Variants in PCDHGC5 observed in about 807,000 individuals in gnomAD.
PCDHGC5 encodes the protein protocadherin gamma subfamily C, 5.
A neutral mutation model predicts 59.0 loss-of-function variants in PCDHGC5; 25 were observed. That is an observed-to-expected ratio of 0.42 (90% CI 0.31 to 0.59). The LOEUF is 0.59. Among genes scored for constraint, PCDHGC5 ranks in the 20% least tolerant of loss-of-function variants. PCDHGC5 has a pLI of 0.13. For synonymous variants in PCDHGC5, 434 were observed against 505.5 expected (o/e 0.86, Z 1.90); for missense variants, 1,067 against 1,206.4 (o/e 0.88, Z 1.71).
At chr5:141,502,767 C>T (rs970206343) in intron 2 of PCDHGC5, among the ~76,000 whole-genome samples, 1 of 151,756 alleles carries the variant, frequency 6.6e-6, no homozygotes, top group East Asian at 1.9e-4. Flanking sequence ...TGCTGGTATT[C>T]TTCTGAAAAT....
intron 3 of PCDHGC5, 48 bp downstream of exon 3, chr5:141,505,529 T>C (rs1479433990): frequency 1.9e-6 from 3 of 1,612,066 alleles, no homozygotes; most frequent in Non-Finnish European, 2.5e-6. Context: ...CCTGGGGTTC[T>C]GGGGTGCATC....
In PCDHGC5 at chr5:141,489,335, G is replaced by A. The variant is rs138015049; in HGVS notation, c.95G>A (p.Arg32His). The A allele has an allele frequency of 8.2e-5, 132 of 1,607,244 alleles. No individual in the cohort carries two copies. The African/African-American group carries it at 1.5e-3, about 18-fold the overall frequency. Residue 32 changes from arginine to histidine, a missense_variant, in exon 1 of 4, where the codon CGT (arginine) becomes CAT (histidine). Transcript: ENST00000252087. This position sits in a 1 kb window ranked among gnomAD's most constrained non-coding sequence, Gnocchi z 4.5. ...TGGGGCTGGGTGTCTGGGCAGCTTC[G>A]TTACTCAGTGGTGGAGGAGTCTGAG... ...CCWGWVSGQL[R>H]YSVVEESEPG...
At chr5:141,503,981 C>T (rs774655880) in intron 2 of PCDHGC5, among the ~76,000 whole-genome samples, 4 of 152,300 alleles carry the variant, frequency 2.6e-5, no homozygotes, top group East Asian at 1.9e-4. Flanking sequence ...CCAAACCCTT[C>T]TTCTTACCTT....
chr5:141,501,335 C>CA (rs2099808433), intron 2 of PCDHGC5, among the ~76,000 whole-genome samples: 1 of 135,634 alleles, frequency 7.4e-6, no homozygotes, highest in Non-Finnish European at 1.6e-5. Context: ...ACACACACAC[C>CA]CCAAACTCAA....
rs200900873 is a variant in PCDHGC5 at position 141,510,902 on chromosome 5, G to A, written c.2609-45G>A. On this transcript the variant is annotated intron_variant, in intron 3 of 3. Transcript: ENST00000252087. ...GGGGATATAAGACAGTGACTGTTGAGGACCCTAAGTTTAGCTCCCACCTGA... is the reference window on the plus strand; with the variant it reads ...GGGGATATAAGACAGTGACTGTTGAAGACCCTAAGTTTAGCTCCCACCTGA... The A allele has an allele frequency of 1.5e-3, 2,449 of 1,613,462 alleles. 7 individuals carry two copies. The highest frequency in any genetic ancestry group is 1.9e-3 in the Non-Finnish European group (2,206 of 1,179,758).
intron 1 of PCDHGC5, among the ~76,000 whole-genome samples, chr5:141,492,882 C>G (rs2099744816): frequency 6.6e-6 from 1 of 152,218 alleles, no homozygotes; most frequent in Admixed American, 6.5e-5. Context: ...CCCAGAGATA[C>G]AGGCTTTTGG....
At position 141,491,687 on chromosome 5, in the gene PCDHGC5, G is replaced by T. The variant is rs946829558; in HGVS notation, c.2447G>T (p.Arg816Leu). 6.2e-7 allele frequency: 1 copy of T among 1,613,072 alleles called. No individual in the cohort carries two copies. Among genetic ancestry groups the T allele is most frequent in the African/African-American group, 1.3e-5 (1 of 75,046 alleles). The change falls in exon 1 of 4, where the codon CGG (arginine) becomes CTG (leucine). Residue 816 changes from arginine (R) to leucine (L), a missense_variant. Transcript: ENST00000252087. This position sits in a 1 kb window ranked among gnomAD's most constrained non-coding sequence, Gnocchi z 6.9. Reference protein sequence around the residue: ...DAIRSRSNTLRERSQQAPPNT... With the variant: ...DAIRSRSNTLLERSQQAPPNT... ...ATCCGGTCCCGCTCTAATACGCTGC[G>T]GGAGCGGAGCCAGGTGAGGGGCTCG...
chr5:141,498,053 G>A (rs2099781284), intron 2 of PCDHGC5, among the ~76,000 whole-genome samples: 1 of 152,204 alleles, frequency 6.6e-6, no homozygotes, highest in Non-Finnish European at 1.5e-5. Flanking sequence ...AAATAAATGT[G>A]AGACTGAAAC....
Position 141,489,424 on chromosome 5 carries a change from C to T in PCDHGC5, c.184C>T (p.Arg62Trp), listed in dbSNP as rs758049228. The T allele has an allele frequency of 5.0e-5, 80 of 1,613,958 alleles. No homozygotes were observed. In the Admixed American group the frequency reaches 1.1e-3, roughly 23 times the overall value. The change falls in exon 1 of 4, where the codon CGG (arginine) becomes TGG (tryptophan). Residue 62 changes from arginine (R) to tryptophan (W), a missense_variant. Physicochemically the swap from Arg to Trp is moderately radical, Grantham distance 101 (BLOSUM62 -3). Coordinates refer to ENST00000252087, the MANE Select transcript of PCDHGC5 (RefSeq NM_018929.3). The surrounding 1 kb of genome is among the most constrained non-coding windows in gnomAD (Gnocchi z 4.5). ...CTTAAAGATGACAGATCTGTTGAGC[C>T]GGCGGCTGCAATTGGGCTCTGAGGA... Reference protein sequence around the residue: ...LGLKMTDLLSRRLQLGSEENG... With the variant: ...LGLKMTDLLSWRLQLGSEENG...
intron 2 of PCDHGC5, among the ~76,000 whole-genome samples, chr5:141,500,359 C>T (rs2099799599): frequency 6.6e-6 from 1 of 152,032 alleles, no homozygotes; most frequent in Non-Finnish European, 1.5e-5. Flanking sequence ...CAGGCGCCCA[C>T]TACCACGCCC....
chr5:141,498,971 G>GGGAAGGAAGGAAGGAAGGAAGGAA (rs201769957), intron 2 of PCDHGC5, among the ~76,000 whole-genome samples: 2 of 110,972 alleles, frequency 1.8e-5, no homozygotes, highest in African/African-American at 3.6e-5. Context: ...GAGGGAGGGA[G>GGGAAGGAAGGAAGGAAGGAAGGAA]GGAAGGAAGG....
At chr5:141,496,637 C>T (rs907246032) in intron 2 of PCDHGC5, among the ~76,000 whole-genome samples, 6 of 152,214 alleles carry the variant, frequency 3.9e-5, no homozygotes, top group Non-Finnish European at 7.3e-5. Context: ...GCTTGGGCTG[C>T]CCTTGCCCTT....
chr5:141,496,251 G>A (rs746722054), intron 2 of PCDHGC5, among the ~76,000 whole-genome samples: 7 of 152,150 alleles, frequency 4.6e-5, no homozygotes, highest in African/African-American at 7.2e-5. Context: ...TGAAGGGGAG[G>A]GAAACTTCAG....
At chr5:141,505,347 T>C in intron 2 of PCDHGC5, 46 bp from the exon 3 acceptor site, 4 of 1,613,346 alleles carry the variant, frequency 2.5e-6, no homozygotes, top group Non-Finnish European at 2.5e-6. Context: ...GGGCATGAGC[T>C]GTGCCGGCCT....
chr5:141,492,037 C>A (rs556842734), intron 1 of PCDHGC5: 94 of 538,798 alleles, frequency 1.7e-4, no homozygotes, highest in Non-Finnish European at 2.5e-4. Flanking sequence ...AGGAGGCAGT[C>A]ACAGATCCAC....
At chr5:141,502,441 GAT>G (rs2099814262) in intron 2 of PCDHGC5, among the ~76,000 whole-genome samples, 1 of 152,000 alleles carries the variant, frequency 6.6e-6, no homozygotes, top group Non-Finnish European at 1.5e-5. Flanking sequence ...GTTAGATTCA[GAT>G]TACACACCTT....
At position 141,491,578 on chromosome 5, in the gene PCDHGC5, C is replaced by T. The variant is rs1438933474; in HGVS notation, c.2338C>T (p.Pro780Ser). 7.4e-6 allele frequency: 12 copies of T among 1,613,888 alleles called. No homozygotes were observed. The highest frequency in any genetic ancestry group is 1.0e-5 in the Non-Finnish European group (12 of 1,180,044). Residue 780 changes from proline to serine, a missense_variant, in exon 1 of 4, where the codon CCG (proline) becomes TCG (serine). By Grantham distance (74) the Pro-to-Ser change is moderately conservative. Coordinates refer to ENST00000252087, the MANE Select transcript of PCDHGC5 (RefSeq NM_018929.3). This position sits in a 1 kb window ranked among gnomAD's most constrained non-coding sequence, Gnocchi z 6.9. ...QSHCYRTCFS[P>S]ASDGSDFTFL... ...CCACTGCTACAGGACGTGCTTTTCA[C>T]CGGCCTCGGACGGCAGTGACTTCAC...
chr5:141,508,741 C>G (rs2099871426), intron 3 of PCDHGC5, among the ~76,000 whole-genome samples: 1 of 152,042 alleles, frequency 6.6e-6, no homozygotes, highest in Non-Finnish European at 1.5e-5. Context: ...ACCCCCCACC[C>G]CGCTCTTTCT....
At chr5:141,494,654 G>A in intron 1 of PCDHGC5, 153 bp from the exon 2 acceptor site, 1 of 966,640 alleles carries the variant, frequency 1.0e-6, no homozygotes, top group South Asian at 4.8e-5. Context: ...GGTGTATTTT[G>A]TCTTTGGAGA....
Sources: allele counts gnomAD v4.1 joint callset (sites outside exome capture counted in the v4.1 genomes callset), GRCh38; gene constraint gnomAD v4.1.1; non-coding constraint Gnocchi (gnomAD v3.1); transcripts MANE v1.5; gene names NCBI Gene and HGNC (gene_info 2026-07-23, HGNC 2026-07-21).